USP20: variants seen among roughly 807,000 people sequenced by gnomAD.
USP20 encodes the protein ubiquitin carboxyl-terminal hydrolase 20.
A neutral mutation model predicts 124.2 loss-of-function variants in USP20; 80 were observed. The ratio of observed to expected loss-of-function variants is 0.64; its 90% CI spans 0.54 to 0.78. USP20 has a LOEUF of 0.78. Ranked by LOEUF, USP20 falls within the 30% of genes least tolerant of loss-of-function variation. The pLI is 0.00. For missense variants in USP20, 1,043 were observed against 1,244.4 expected, an observed-to-expected ratio of 0.84 and a Z score of 2.44; for synonymous variants, 481 against 512.3, an observed-to-expected ratio of 0.94 and a Z score of 0.83.
chr9:129,880,152 A>C lies in USP20; in HGVS notation c.2624A>C (p.Tyr875Ser). ...YGQISEETWT[Y>S]LNSLYGGGPE... ...CAGATTTCGGAGGAGACCTGGACCT[A>C]CCTGAACAGCCTGTATGGAGGTGGC... The change falls in exon 25 of 26, where the codon TAC (tyrosine) becomes TCC (serine). Residue 875 changes from tyrosine to serine, a missense_variant. Physicochemically the swap from Tyr to Ser is moderately radical, Grantham distance 144. Transcript: ENST00000372429. 1 of 1,613,774 alleles carries C rather than the reference A, an allele frequency of 6.2e-7. No individual in the cohort carries two copies. The highest frequency in any genetic ancestry group is 8.5e-7 in the Non-Finnish European group (1 of 1,179,998).
intron 10 of USP20, among the ~76,000 whole-genome samples, chr9:129,866,249 G>A (rs938932756): frequency 1.3e-5 from 2 of 152,148 alleles, no homozygotes; most frequent in Non-Finnish European, 2.9e-5. Context: ...CTGCTGTCCC[G>A]TCCCAGGATG....
intron 22 of USP20, among the ~76,000 whole-genome samples, chr9:129,876,562 C>T (rs1319157139): frequency 1.3e-5 from 2 of 151,818 alleles, no homozygotes; most frequent in East Asian, 3.9e-4. Context: ...TCGCTTGAAC[C>T]TGGGAGGCGG....
chr9:129,836,192 A>G (rs549303989), intron 1 of USP20, among the ~76,000 whole-genome samples: 1 of 152,346 alleles, frequency 6.6e-6, no homozygotes, highest in Non-Finnish European at 1.5e-5. Flanking sequence ...ACCTAAATGC[A>G]TAAATAATGG....
At chr9:129,865,993 A>C (rs906081575) in intron 10 of USP20, among the ~76,000 whole-genome samples, 1 of 152,256 alleles carries the variant, frequency 6.6e-6, no homozygotes, top group Non-Finnish European at 1.5e-5. Flanking sequence ...TTTTGAAACC[A>C]ATCACATTTT....
intron 1 of USP20, among the ~76,000 whole-genome samples, chr9:129,844,919 A>G (rs903497676): frequency 6.6e-6 from 1 of 152,060 alleles, no homozygotes; most frequent in Non-Finnish European, 1.5e-5. Flanking sequence ...ATGGTGGCTC[A>G]TGTGTGTAAT....
intron 2 of USP20, among the ~76,000 whole-genome samples, chr9:129,851,216 G>A (rs895173771): frequency 2.0e-5 from 3 of 149,116 alleles, no homozygotes; most frequent in African/African-American, 7.5e-5. Context: ...AAGGTCCTTT[G>A]TACCTTCACC....
At chr9:129,836,771 C>G (rs1320289288) in intron 1 of USP20, among the ~76,000 whole-genome samples, 1 of 152,126 alleles carries the variant, frequency 6.6e-6, no homozygotes, top group Admixed American at 6.5e-5. Flanking sequence ...CAAAGTCTTG[C>G]CCTCTGCAGA....
chr9:129,877,759 T>A (rs1000805314), intron 22 of USP20, among the ~76,000 whole-genome samples: 3 of 151,916 alleles, frequency 2.0e-5, no homozygotes, highest in African/African-American at 4.8e-5. Flanking sequence ...ATAGGCACAT[T>A]CTATTCAACC....
intron 4 of USP20, among the ~76,000 whole-genome samples, chr9:129,857,169 T>G (rs944110689): frequency 6.6e-6 from 1 of 152,018 alleles, no homozygotes; most frequent in South Asian, 2.1e-4. Flanking sequence ...CCTCTTCTGC[T>G]CAGCCCTGTC....
chr9:129,873,176 C>G (rs1387251190), intron 15 of USP20, among the ~76,000 whole-genome samples: 1 of 150,570 alleles, frequency 6.6e-6, no homozygotes, highest in South Asian at 2.1e-4. Flanking sequence ...CCGAGCCCCC[C>G]AGGTTCGAGC....
chr9:129,878,462 C>A, intron 23 of USP20, 22 bp downstream of exon 23: 2 of 1,571,918 alleles, frequency 1.3e-6, no homozygotes, highest in Non-Finnish European at 1.7e-6. Context: ...GGGGACCTGG[C>A]ACTTACCTGC....
At position 129,874,960 on chromosome 9, in the gene USP20, G is replaced by A; in HGVS notation, c.2048+5G>A. 1 of 1,613,054 alleles carries A rather than the reference G, an allele frequency of 6.2e-7. No homozygotes were observed. The highest frequency in any genetic ancestry group is 8.5e-7 in the Non-Finnish European group (1 of 1,179,798). On this transcript the variant is annotated splice_donor_5th_base_variant and intron_variant, in intron 19 of 25. Coordinates refer to ENST00000372429, the MANE Select transcript of USP20 (RefSeq NM_001110303.4). ...GGGCTACGTACTCTTCTACAGGTGG[G>A]CGCTGGGCCAGGCCTGGTGGAGGAA...
chr9:129,836,657 T>A (rs891912094), intron 1 of USP20, among the ~76,000 whole-genome samples: 1 of 152,192 alleles, frequency 6.6e-6, no homozygotes, highest in African/African-American at 2.4e-5. Flanking sequence ...TGGAACAGTC[T>A]CCACTGAGAT....
chr9:129,875,993 C>T (rs1376702911), intron 21 of USP20, 137 bp from the exon 22 acceptor site: 2 of 794,280 alleles, frequency 2.5e-6, no homozygotes, highest in Non-Finnish European at 4.1e-6. Flanking sequence ...CTGTGGTGCT[C>T]ACACAGAGGT....
Position 129,868,892 on chromosome 9 carries a change from C to A in USP20, c.1166C>A (p.Ser389Tyr), listed in dbSNP as rs199515975. The change falls in exon 12 of 26, where the codon TCC (serine) becomes TAC (tyrosine). Residue 389 changes from serine to tyrosine, a missense_variant. Physicochemically the swap from Ser to Tyr is moderately radical, Grantham distance 144. Transcript: ENST00000372429. Reference protein sequence around the residue: ...EPDNDAHLRSSSRPCSPVHHH... With the variant: ...EPDNDAHLRSYSRPCSPVHHH... ...GACAATGATGCTCACCTACGCAGCT[C>A]CTCTCGCCCCTGCAGCCCCGTCCAC... 7.8e-5 allele frequency: 125 copies of A among 1,603,508 alleles called. No individual in the cohort carries two copies. The highest frequency in any genetic ancestry group is 1.1e-5 in the Non-Finnish European group (13 of 1,173,628).
rs1443001370 is a variant in USP20 at position 129,879,930 on chromosome 9, G to A, written c.2585-183G>A. On this transcript the variant is annotated intron_variant, in intron 24 of 25. Coordinates refer to ENST00000372429, the MANE Select transcript of USP20 (RefSeq NM_001110303.4). This position sits in a 1 kb window ranked among gnomAD's most constrained non-coding sequence, Gnocchi z 4.2. ...GACACAGCCAGAGATGTGTTATCCG[G>A]GGCCCTTAGCGGGATGGACATTCCT... 6.6e-6 allele frequency among the ~76,000 whole-genome samples: 1 copy of A among 152,152 alleles called. No individual in the cohort carries two copies. Among genetic ancestry groups the A allele is most frequent in the Non-Finnish European group, 1.5e-5 (1 of 68,024 alleles).
intron 15 of USP20, among the ~76,000 whole-genome samples, chr9:129,871,948 T>A (rs1389044355): frequency 6.6e-6 from 1 of 152,056 alleles, no homozygotes; most frequent in Non-Finnish European, 1.5e-5. Context: ...ACTCCTGACC[T>A]CAGGTGATCC....
Position 129,870,464 on chromosome 9 carries a change from C to T in USP20, c.1577C>T (p.Ser526Phe), listed in dbSNP as rs1208941076. 5 of 1,614,150 alleles carry T rather than the reference C, an allele frequency of 3.1e-6. No homozygotes were observed. Among genetic ancestry groups the T allele is most frequent in the East Asian group, 2.2e-5 (1 of 44,880 alleles). Residue 526 changes from serine to phenylalanine, a missense_variant, in exon 15 of 26, where the codon TCC becomes TTC. Transcript: ENST00000372429. ...TTTTCTGTCTGTAGGTTTGTGGTAT[C>T]CTGTACCCCCAGCTGGTTTTGGGGG... ...IVEYIRRFVV[S>F]CTPSWFWGPV...
At chr9:129,836,402 G>A (rs556524356) in intron 1 of USP20, among the ~76,000 whole-genome samples, 1 of 152,260 alleles carries the variant, frequency 6.6e-6, no homozygotes, top group East Asian at 1.9e-4. Flanking sequence ...AGTCTCCGAG[G>A]GGCAGTGCAC....
Sources: allele counts gnomAD v4.1 joint callset (sites outside exome capture counted in the v4.1 genomes callset), GRCh38; gene constraint gnomAD v4.1.1; non-coding constraint Gnocchi (gnomAD v3.1); transcripts MANE v1.5; gene names NCBI Gene and HGNC (gene_info 2026-07-23, HGNC 2026-07-21).